Variants in PHACTR1 observed in about 807,000 individuals in gnomAD.
PHACTR1 encodes the protein RPEL repeat containing 1.
PHACTR1 carries 16 observed loss-of-function variants against 69.2 expected under a neutral mutation model. That is an observed-to-expected ratio of 0.23 (90% CI 0.16 to 0.35). The LOEUF (loss-of-function observed/expected upper bound fraction) is 0.35. Ranked by LOEUF, PHACTR1 falls within the 10% of genes least tolerant of loss-of-function variation. PHACTR1 has a pLI of 1.00. For synonymous variants in PHACTR1, 312 were observed against 284.5 expected, an observed-to-expected ratio of 1.10 and a Z score of -0.97; for missense variants, 510 against 734.7, an observed-to-expected ratio of 0.69 and a Z score of 3.54.
intron 10 of PHACTR1, chr6:13,266,755 T>C (rs1001737284): frequency 6.6e-6 from 1 of 152,246 alleles, no homozygotes; most frequent in Non-Finnish European, 1.5e-5. Context: ...CTCAACTCAC[T>C]AGAACAGCAC....
At chr6:12,834,196 C>T (rs968225476) in intron 4 of PHACTR1, among the ~76,000 whole-genome samples, 1 of 152,152 alleles carries the variant, frequency 6.6e-6, no homozygotes, top group Non-Finnish European at 1.5e-5. Context: ...ATGCGTATCA[C>T]TAGAACAATG....
chr6:13,200,195 T>A (rs912054481), intron 7 of PHACTR1, among the ~76,000 whole-genome samples: 4 of 151,602 alleles, frequency 2.6e-5, no homozygotes, highest in Non-Finnish European at 4.4e-5. Flanking sequence ...GCTCCTTGTA[T>A]ATGCTGAGCA....
chr6:13,006,849 A>G (rs1798861920), intron 4 of PHACTR1, among the ~76,000 whole-genome samples: 1 of 152,212 alleles, frequency 6.6e-6, no homozygotes. Context: ...ACCCAAAGGG[A>G]AGCCATAGCT....
At chr6:13,135,557 AG>A (rs764180609) in intron 5 of PHACTR1, among the ~76,000 whole-genome samples, 1 of 152,256 alleles carries the variant, frequency 6.6e-6, no homozygotes, top group Non-Finnish European at 1.5e-5. Flanking sequence ...TGCAAGTCAA[AG>A]AAAACCGTTT....
At chr6:12,991,296 G>T (rs1472715373) in intron 4 of PHACTR1, among the ~76,000 whole-genome samples, 1 of 152,164 alleles carries the variant, frequency 6.6e-6, no homozygotes, top group Non-Finnish European at 1.5e-5. Context: ...TATAGACAAG[G>T]ACCCTGGCAC....
chr6:12,828,581 G>A (rs949258843), intron 4 of PHACTR1, among the ~76,000 whole-genome samples: 2 of 152,180 alleles, frequency 1.3e-5, no homozygotes, highest in African/African-American at 4.8e-5. Flanking sequence ...TGCCAAAAGA[G>A]AAGGAGTTAC....
At chr6:13,098,046 A>G (rs1358495043) in intron 5 of PHACTR1, among the ~76,000 whole-genome samples, 1 of 152,066 alleles carries the variant, frequency 6.6e-6, no homozygotes, top group Admixed American at 6.5e-5. Flanking sequence ...GTTTTCATTT[A>G]TTACTAGATC....
chr6:12,908,507 TAAA>T (rs71801444), intron 4 of PHACTR1, among the ~76,000 whole-genome samples: 1 of 146,078 alleles, frequency 6.8e-6, no homozygotes, highest in Non-Finnish European at 1.5e-5. Context: ...TGCAGAGATT[TAAA>T]AAAAAAAAAG....
Position 13,134,057 on chromosome 6 carries a change from C to T in PHACTR1, c.416-26147C>T, listed in dbSNP as rs58759801. Among the ~76,000 whole-genome samples, 1,143 of 150,762 alleles carry T rather than the reference C, an allele frequency of 7.6e-3. 8 individuals carry two copies. The highest frequency in any genetic ancestry group is 0.026 in the African/African-American group (1,056 of 40,904). On this transcript the variant is annotated intron_variant, in intron 5 of 14. Transcript: ENST00000332995. ...ATCTGGTAGGTGAGGAGTGTCTCTG[C>T]CCTGCCGCCCCGTCTGAGAAGTGAG...
intron 4 of PHACTR1, among the ~76,000 whole-genome samples, chr6:12,885,290 G>A (rs1783530452): frequency 6.6e-6 from 1 of 152,194 alleles, no homozygotes; most frequent in Non-Finnish European, 1.5e-5. Flanking sequence ...AAAACTTCTG[G>A]GGGAAGGCTG....
intron 8 of PHACTR1, among the ~76,000 whole-genome samples, chr6:13,222,260 C>G (rs1260717725): frequency 6.6e-6 from 1 of 152,170 alleles, no homozygotes; most frequent in Non-Finnish European, 1.5e-5. Flanking sequence ...TCAGCAGTTC[C>G]TGTTGATAGG....
At chr6:13,162,849 TCACCAA>T (rs1759240060) in intron 6 of PHACTR1, among the ~76,000 whole-genome samples, 1 of 152,062 alleles carries the variant, frequency 6.6e-6, no homozygotes, top group Non-Finnish European at 1.5e-5. Flanking sequence ...CCCCAAGTCC[TCACCAA>T]CAGTTAGGAG....
intron 4 of PHACTR1, among the ~76,000 whole-genome samples, chr6:12,845,432 C>A (rs1424769842): frequency 6.2e-5 from 3 of 48,434 alleles, no homozygotes; most frequent in Non-Finnish European, 1.1e-4. Flanking sequence ...ACCACCCACC[C>A]CCCCCCCCCC....
chr6:13,125,109 C>T (rs1471668730), intron 5 of PHACTR1, among the ~76,000 whole-genome samples: 2 of 152,150 alleles, frequency 1.3e-5, no homozygotes, highest in Non-Finnish European at 2.9e-5. Flanking sequence ...GAGAAAAGTC[C>T]TCAAACTTTC....
At chr6:13,141,724 CTTT>C (rs577073698) in intron 5 of PHACTR1, among the ~76,000 whole-genome samples, 7 of 89,808 alleles carry the variant, frequency 7.8e-5, no homozygotes, top group Non-Finnish European at 1.3e-4. Context: ...TTTCTTCTTT[CTTT>C]TTTTTTTTTT....
intron 5 of PHACTR1, among the ~76,000 whole-genome samples, chr6:13,106,670 G>T (rs900321854): frequency 6.6e-6 from 1 of 152,082 alleles, no homozygotes; most frequent in Admixed American, 6.5e-5. Context: ...TAGAGATGGG[G>T]TCTCACTTTG....
intron 5 of PHACTR1, among the ~76,000 whole-genome samples, chr6:13,060,110 C>T (rs1054428896): frequency 1.4e-4 from 21 of 152,196 alleles, no homozygotes; most frequent in African/African-American, 5.1e-4. Context: ...ACACCAAGAA[C>T]AGAAGGCATC....
chr6:13,067,625 A>G (rs765143061), intron 5 of PHACTR1, among the ~76,000 whole-genome samples: 3 of 152,198 alleles, frequency 2.0e-5, no homozygotes, highest in Non-Finnish European at 4.4e-5. Context: ...GATGCACTCT[A>G]TTTGTTGAAT....
intron 6 of PHACTR1, among the ~76,000 whole-genome samples, chr6:13,169,712 T>C (rs570378666): frequency 6.6e-6 from 1 of 152,296 alleles, no homozygotes; most frequent in Admixed American, 6.5e-5. Context: ...GGAATAAAAG[T>C]GCCCTTTTGA....
Sources: allele counts gnomAD v4.1 joint callset (sites outside exome capture counted in the v4.1 genomes callset), GRCh38; gene constraint gnomAD v4.1.1; transcripts MANE v1.5; gene names NCBI Gene and HGNC (gene_info 2026-07-23, HGNC 2026-07-21).